XPO4: variants seen among roughly 807,000 people sequenced by gnomAD.
XPO4 encodes the protein exportin 4, also known as exportin-4.
A neutral mutation model predicts 143.0 loss-of-function variants in XPO4; 39 were observed. That is an observed-to-expected ratio of 0.27 (90% confidence interval 0.21 to 0.36). The LOEUF (loss-of-function observed/expected upper bound fraction) is 0.36. Among genes scored for constraint, XPO4 ranks in the 10% least tolerant of loss-of-function variants. The pLI is 1.00. For missense variants in XPO4, 907 were observed against 1,348.0 expected, an observed-to-expected ratio of 0.67 and a Z score of 5.12; for synonymous variants, 439 against 474.0, an observed-to-expected ratio of 0.93 and a Z score of 0.96.
chr13:20,887,065 C>T (rs1166023005), intron 1 of XPO4, among the ~76,000 whole-genome samples: 2 of 150,894 alleles, frequency 1.3e-5, no homozygotes, highest in Admixed American at 6.6e-5. Context: ...AGCGAAACTC[C>T]GTCTCAAAAA....
At chr13:20,859,793 A>AT in intron 3 of XPO4, 1 of 915,666 alleles carries the variant, frequency 1.1e-6, no homozygotes, top group Non-Finnish European at 1.3e-6. Flanking sequence ...ATTAAAAAAA[A>AT]AAAAAGAACA....
chr13:20,876,759 T>C (rs2060357417), intron 1 of XPO4, among the ~76,000 whole-genome samples: 1 of 152,230 alleles, frequency 6.6e-6, no homozygotes, highest in African/African-American at 2.4e-5. Context: ...CCAGAACTTA[T>C]TCTTTCTGGT....
chr13:20,856,902 G>A (rs1429873297), intron 3 of XPO4: 1 of 985,252 alleles, frequency 1.0e-6, no homozygotes, highest in African/African-American at 1.7e-5. Flanking sequence ...TCACATGACA[G>A]GACATATCTG....
intron 1 of XPO4, among the ~76,000 whole-genome samples, chr13:20,899,841 A>T (rs2060603933): frequency 6.6e-6 from 1 of 152,238 alleles, no homozygotes; most frequent in South Asian, 2.1e-4. Context: ...TCAGACCCAC[A>T]GATGGATAAA....
rs78323168 is a variant in XPO4 at position 20,815,841 on chromosome 13, A to G, written c.1173+5863T>C. 2.4e-4 allele frequency among the ~76,000 whole-genome samples: 36 copies of G among 152,374 alleles called. No homozygotes were observed. The East Asian group carries it at 6.9e-3, about 29-fold the overall frequency. On this transcript the variant is annotated intron_variant, in intron 9 of 22. Coordinates refer to ENST00000255305, the MANE Select transcript of XPO4 (RefSeq NM_022459.5). ...AACAGCTTCAACTATCAGAGATTGT[A>G]GAAGCTGCAAAAAAGTGCCCAAAAC...
At chr13:20,866,015 A>G in intron 2 of XPO4, 3 of 983,960 alleles carry the variant, frequency 3.0e-6, no homozygotes, top group Non-Finnish European at 3.6e-6. Flanking sequence ...TTTCTCCCTG[A>G]GAAAGAGTAA....
intron 12 of XPO4, 137 bp from the exon 13 acceptor site, chr13:20,807,771 G>T: frequency 1.4e-6 from 1 of 718,612 alleles, no homozygotes; most frequent in Non-Finnish European, 2.0e-6. Context: ...TTAATTTCAA[G>T]TTTATGCAAA....
At chr13:20,850,121 C>G (rs563526068) in intron 4 of XPO4, 8 of 984,930 alleles carry the variant, frequency 8.1e-6, no homozygotes, top group Middle Eastern at 5.2e-4. Context: ...AAACCACACA[C>G]AAATGATTAG....
At chr13:20,874,460 G>A (rs1320340495) in intron 1 of XPO4, among the ~76,000 whole-genome samples, 2 of 152,144 alleles carry the variant, frequency 1.3e-5, no homozygotes, top group Non-Finnish European at 2.9e-5. Context: ...TTGGGAGATG[G>A]GGCCACGATT....
chr13:20,867,077 T>C (rs1373052), intron 2 of XPO4, among the ~76,000 whole-genome samples: 124,525 of 152,200 alleles, frequency 0.82, 51,130 homozygotes, highest in East Asian at 1. Flanking sequence ...AATTAATGCT[T>C]CCTTAAACTC....
chr13:20,797,908 G>C (rs779988884), intron 16 of XPO4, among the ~76,000 whole-genome samples: 10 of 152,156 alleles, frequency 6.6e-5, no homozygotes, highest in Non-Finnish European at 1.3e-4. Flanking sequence ...CCAACGTTTT[G>C]GAAGGCTGAG....
chr13:20,780,161 C>A lies in XPO4; in HGVS notation c.*3561G>T, dbSNP rs998380619. ...ACAAACCTTAAGAAGTACCGAGGTTCCTTCTGACTTAAAAGGTTAATGTTT... is the reference window on the plus strand; with the variant it reads ...ACAAACCTTAAGAAGTACCGAGGTTACTTCTGACTTAAAAGGTTAATGTTT... On this transcript the variant is annotated 3_prime_UTR_variant, in exon 23 of 23. Transcript: ENST00000255305. The A allele has an allele frequency of 1.3e-5, 2 of 152,158 alleles. No homozygotes were observed. Among genetic ancestry groups the A allele is most frequent in the Non-Finnish European group, 2.9e-5 (2 of 68,022 alleles). 9.4% of individuals were successfully genotyped at this position (152,158 alleles called of 1,614,324 possible). A position where few individuals can be genotyped will look rare whatever the true frequency, so the allele number is the denominator to read the frequency against.
intron 9 of XPO4, among the ~76,000 whole-genome samples, chr13:20,814,873 T>C (rs1345601373): frequency 6.6e-6 from 1 of 152,238 alleles, no homozygotes; most frequent in Non-Finnish European, 1.5e-5. Flanking sequence ...TGGAAGTATA[T>C]AGAGCAATAA....
At chr13:20,848,918 C>T in intron 4 of XPO4, 1 of 985,352 alleles carries the variant, frequency 1.0e-6, no homozygotes, top group East Asian at 1.1e-4. Context: ...TGAAAATTCA[C>T]AAGTTAATTC....
intron 18 of XPO4, among the ~76,000 whole-genome samples, chr13:20,794,807 A>C (rs915629697): frequency 6.6e-6 from 1 of 152,144 alleles, no homozygotes; most frequent in African/African-American, 2.4e-5. Flanking sequence ...AAAGTTAGAA[A>C]ACTTGGGTGA....
In XPO4 at chr13:20,900,800, T is replaced by C. The variant is rs1244841992; in HGVS notation, c.69+1870A>G. 3.2e-5 allele frequency among the ~76,000 whole-genome samples: 4 copies of C among 126,564 alleles called. No individual in the cohort carries two copies. In the East Asian group the frequency reaches 8.2e-4, roughly 26 times the overall value. The allele number at this position is 126,564 out of a possible 152,430, so 83.0% of individuals were successfully genotyped here. A position where few individuals can be genotyped will look rare whatever the true frequency, so the allele number is the denominator to read the frequency against. ...CTAATTTTTATATTTTTAGTAGAGA[T>C]GGGGCTTCACCGTGTTGGCCAGCCT... On this transcript the variant is annotated intron_variant, in intron 1 of 22. Coordinates refer to ENST00000255305, the MANE Select transcript of XPO4 (RefSeq NM_022459.5).
intron 3 of XPO4, chr13:20,856,215 C>T (rs1009383145): frequency 3.9e-6 from 2 of 510,766 alleles, no homozygotes; most frequent in Non-Finnish European, 5.1e-6. Context: ...TAACCTACGT[C>T]TACAACTACT....
At chr13:20,861,414 G>C (rs536219826) in intron 3 of XPO4, among the ~76,000 whole-genome samples, 1 of 149,262 alleles carries the variant, frequency 6.7e-6, no homozygotes, top group South Asian at 2.1e-4. Context: ...TCCTGATTCA[G>C]CCTCCCAAGT....
At chr13:20,879,184 C>A (rs2060382517) in intron 1 of XPO4, 1 of 985,214 alleles carries the variant, frequency 1.0e-6, no homozygotes, top group Admixed American at 6.2e-5. Flanking sequence ...GAGATTAAAG[C>A]CAGGGCCCAT....
Sources: gnomAD v4.1 joint callset for allele counts (sites outside exome capture counted in the v4.1 genomes callset) on GRCh38, gnomAD v4.1.1 for gene constraint, MANE v1.5 for transcripts, NCBI Gene and HGNC (gene_info 2026-07-23, HGNC 2026-07-21) for gene names.